Variants in SOX6 observed in about 807,000 individuals in gnomAD.
SOX6 encodes SRY-box transcription factor 6, also known as transcription factor SOX-6.
Under a neutral mutation model 97.8 loss-of-function variants are expected in SOX6, and 11 were observed. That is an observed-to-expected ratio of 0.11 (90% CI 0.07 to 0.19). The LOEUF is 0.19. Among genes scored for constraint, SOX6 ranks in the 10% least tolerant of loss-of-function variants. SOX6 has a pLI of 1.00. For missense variants in SOX6, 810 were observed against 1,039.5 expected, an observed-to-expected ratio of 0.78 and a Z score of 3.04; for synonymous variants, 360 against 371.4, an observed-to-expected ratio of 0.97 and a Z score of 0.35.
intron 3 of SOX6, among the ~76,000 whole-genome samples, chr11:16,686,522 G>A (rs1196089778): frequency 6.6e-6 from 1 of 152,186 alleles, no homozygotes; most frequent in East Asian, 1.9e-4. Flanking sequence ...TATCTCAAGA[G>A]TGAACTTTAT....
intron 6 of SOX6, among the ~76,000 whole-genome samples, chr11:16,149,630 G>C (rs1850407277): frequency 1.3e-5 from 2 of 152,076 alleles, no homozygotes; most frequent in African/African-American, 2.4e-5. Context: ...CACTTCTTTG[G>C]TTGTTTTTTG....
chr11:16,711,477 C>G (rs1208732913), intron 3 of SOX6, among the ~76,000 whole-genome samples: 1 of 152,130 alleles, frequency 6.6e-6, no homozygotes, highest in Non-Finnish European at 1.5e-5. Flanking sequence ...TAGCTGTGAT[C>G]GTGCTACTGC....
At chr11:16,183,297 A>T (rs914860799) in intron 6 of SOX6, among the ~76,000 whole-genome samples, 2 of 151,020 alleles carry the variant, frequency 1.3e-5, no homozygotes, top group Admixed American at 1.3e-4. Context: ...TTGCCATAAG[A>T]AAAAGGGATT....
At chr11:16,362,668 C>T (rs919867391) in intron 1 of SOX6, among the ~76,000 whole-genome samples, 19 of 151,824 alleles carry the variant, frequency 1.3e-4, no homozygotes, top group African/African-American at 4.4e-4. Flanking sequence ...ATGGAAGAAA[C>T]ATGAAAAAGC....
chr11:16,098,444 C>A (rs745795053), intron 7 of SOX6, among the ~76,000 whole-genome samples: 1 of 151,814 alleles, frequency 6.6e-6, no homozygotes, highest in African/African-American at 2.4e-5. Flanking sequence ...GAGATGAATG[C>A]TATATCTTAA....
rs111956539 is a variant in SOX6, at chr11:16,321,523, C to T, written c.238-2870G>A. Among the ~76,000 whole-genome samples the T allele has an allele frequency of 6.1e-3, 924 of 152,096 alleles. 9 individuals are homozygous for T. Among genetic ancestry groups the T allele is most frequent in the African/African-American group, 0.02 (834 of 41,492 alleles). On this transcript the variant is annotated intron_variant, in intron 2 of 15. Coordinates refer to ENST00000683767, the MANE Select transcript of SOX6 (RefSeq NM_001367873.1). The stretch of plus-strand genomic sequence containing the variant: ...GACTAATGCCAAACAATCTTATTTA[C>T]GCATTGTTATGGACTTGTTGGACTA...
chr11:16,221,453 A>AT (rs1487743679), intron 4 of SOX6, among the ~76,000 whole-genome samples: 3 of 121,842 alleles, frequency 2.5e-5, no homozygotes, highest in African/African-American at 8.8e-5. Context: ...TCTTACACAT[A>AT]TAAGTATAAC....
intron 1 of SOX6, among the ~76,000 whole-genome samples, chr11:16,433,988 T>C (rs1175632218): frequency 6.6e-6 from 1 of 152,066 alleles, no homozygotes; most frequent in Non-Finnish European, 1.5e-5. Context: ...ACCCTTCTAG[T>C]CTTAGGCCAC....
intron 1 of SOX6, among the ~76,000 whole-genome samples, chr11:16,461,038 G>GA (rs765171690): frequency 3.9e-5 from 6 of 151,900 alleles, no homozygotes; most frequent in South Asian, 2.1e-4. Flanking sequence ...TCCGTGGGAA[G>GA]AAAAAAAACT....
At chr11:16,608,006 G>A (rs1480522253) in intron 4 of SOX6, among the ~76,000 whole-genome samples, 1 of 152,060 alleles carries the variant, frequency 6.6e-6, no homozygotes, top group Non-Finnish European at 1.5e-5. Context: ...CGCCTGGAAA[G>A]AGACGGTGAA....
In SOX6 at chr11:16,120,727, G is replaced by A. The variant is rs578084341; in HGVS notation, c.778-8804C>T. ...TGCCTAAATTATTCACAGAATAAAC[G>A]AAAAAGATTTATCTTGTCACTAGTT... On this transcript the variant is annotated intron_variant, in intron 6 of 15. Coordinates refer to ENST00000683767, the MANE Select transcript of SOX6 (RefSeq NM_001367873.1). Among the ~76,000 whole-genome samples the A allele has an allele frequency of 5.9e-5, 9 of 152,028 alleles. No homozygotes were observed. The South Asian group carries it at 1.2e-3, about 21-fold the overall frequency.
At position 16,617,622 on chromosome 11, in the gene SOX6, A is replaced by C. The variant is rs1177084686; in HGVS notation, n.430-5362T>G. Among the ~76,000 whole-genome samples, 8 of 152,022 alleles carry C rather than the reference A, an allele frequency of 5.3e-5. No individual in the cohort carries two copies. In the South Asian group the frequency reaches 1.2e-3, roughly 24 times the overall value. On this transcript the variant is annotated intron_variant and non_coding_transcript_variant, in intron 3 of 5. Coordinates refer to the SOX6 transcript ENST00000524520. ...GCCTAGTTCTACATCACTTCAATACAAGTTTGAAAAGCAGAAACTGAAAAG... is the reference window on the plus strand; with the variant it reads ...GCCTAGTTCTACATCACTTCAATACCAGTTTGAAAAGCAGAAACTGAAAAG...
intron 1 of SOX6, among the ~76,000 whole-genome samples, chr11:16,409,398 C>G (rs117588957): frequency 4.6e-5 from 7 of 151,740 alleles, no homozygotes; most frequent in Non-Finnish European, 8.8e-5. Context: ...ACAGCTTTAA[C>G]ATAAATTGAT....
intron 4 of SOX6, among the ~76,000 whole-genome samples, chr11:16,215,424 T>G (rs1852346392): frequency 6.6e-6 from 1 of 152,204 alleles, no homozygotes; most frequent in East Asian, 1.9e-4. Flanking sequence ...TCATGATTCA[T>G]AAGTTTTTGC....
At chr11:16,038,494 G>A (rs1440915942) in intron 12 of SOX6, among the ~76,000 whole-genome samples, 1 of 151,982 alleles carries the variant, frequency 6.6e-6, no homozygotes, top group African/African-American at 2.4e-5. Flanking sequence ...AAAGAGGGAG[G>A]AAGGGAGTAA....
intron 6 of SOX6, among the ~76,000 whole-genome samples, chr11:16,168,853 A>G (rs557409610): frequency 1.3e-5 from 2 of 152,280 alleles, no homozygotes; most frequent in East Asian, 3.9e-4. Context: ...CACAAAGACC[A>G]CTTTGATAAT....
intron 3 of SOX6, among the ~76,000 whole-genome samples, chr11:16,649,028 C>G (rs546670178): frequency 1.3e-5 from 2 of 151,344 alleles, no homozygotes; most frequent in South Asian, 4.2e-4. Flanking sequence ...CTTCAGAGCT[C>G]AAAGACAAGA....
intron 6 of SOX6, among the ~76,000 whole-genome samples, chr11:16,143,040 A>T (rs1339719980): frequency 6.6e-6 from 1 of 152,184 alleles, no homozygotes; most frequent in Non-Finnish European, 1.5e-5. Context: ...ACTCCAAGAC[A>T]CATAATTGTC....
chr11:16,384,314 A>G (rs779706593), intron 1 of SOX6, among the ~76,000 whole-genome samples: 1 of 152,076 alleles, frequency 6.6e-6, no homozygotes, highest in East Asian at 1.9e-4. Flanking sequence ...TAAATGTGCA[A>G]TAATAGATTA....
Sources: gnomAD v4.1 joint callset for allele counts (sites outside exome capture counted in the v4.1 genomes callset) on GRCh38, gnomAD v4.1.1 for gene constraint, MANE v1.5 for transcripts, NCBI Gene and HGNC (gene_info 2026-07-23, HGNC 2026-07-21) for gene names.